PDZD7: variants seen among roughly 807,000 people sequenced by gnomAD.
PDZD7 encodes PDZ domain containing 7.
PDZD7 carries 72 observed loss-of-function variants against 84.7 expected under a neutral mutation model. The observed-to-expected ratio is 0.85, with a 90% CI of 0.70 to 1.03. The LOEUF (loss-of-function observed/expected upper bound fraction) is 1.03. Among genes scored for constraint, PDZD7 ranks in the 50% least tolerant of loss-of-function variants. The pLI, the probability that PDZD7 is intolerant of heterozygous loss-of-function variation, is 0.00. For synonymous variants in PDZD7, 594 were observed against 580.7 expected, an observed-to-expected ratio of 1.02 and a Z score of -0.33; for missense variants, 1,490 against 1,412.9, an observed-to-expected ratio of 1.05 and a Z score of -0.87.
At chr10:101,014,557 A>T (rs868614314) in intron 11 of PDZD7, among the ~76,000 whole-genome samples, 1 of 152,104 alleles carries the variant, frequency 6.6e-6, no homozygotes, top group African/African-American at 2.4e-5. Context: ...AGTTTAGCCC[A>T]AAGCCCCTTA....
intron 11 of PDZD7, among the ~76,000 whole-genome samples, chr10:101,012,892 G>T (rs1224994799): frequency 1.3e-5 from 2 of 152,246 alleles, no homozygotes; most frequent in Non-Finnish European, 2.9e-5. Flanking sequence ...GAGGGGGGCG[G>T]GGTGGAGCCC....
chr10:101,013,983 G>A (rs1852494651), intron 11 of PDZD7, among the ~76,000 whole-genome samples: 1 of 150,948 alleles, frequency 6.6e-6, no homozygotes, highest in Admixed American at 6.6e-5. Context: ...CCGAGTAGCT[G>A]GGATTACAGG....
chr10:101,029,966 C>CCA, intron 2 of PDZD7, 28 bp downstream of exon 2: 4 of 1,576,528 alleles, frequency 2.5e-6, no homozygotes, highest in South Asian at 1.1e-5. Context: ...CTCCCCAACC[C>CCA]AGGCCAGTGG....
Position 101,017,074 on chromosome 10 carries a change from G to A in PDZD7, c.1523-647C>T, listed in dbSNP as rs189439952. 3.5e-3 allele frequency among the ~76,000 whole-genome samples: 537 copies of A among 152,242 alleles called. 3 individuals are homozygous for A. The highest frequency in any genetic ancestry group is 0.012 in the African/African-American group (503 of 41,532). ...CTGTTCTTAGCCCGTGTACTCCAGG[G>A]TGGGTACATGACCCAGGCTGGCCAA... On this transcript the variant is annotated intron_variant, in intron 9 of 16. Transcript: ENST00000619208.
At position 101,019,199 on chromosome 10, in the gene PDZD7, T is replaced by G; in HGVS notation, c.947A>C (p.Gln316Pro). The G allele has an allele frequency of 6.5e-7, 1 of 1,535,948 alleles. No individual in the cohort carries two copies. ...WLDRLSNGVL[Q>P]QLSPASESSS... ...GCTCTCAGAGGCCGGGGACAGCTGCTGCAGCACCCCGTTGCTCACTGCAGG... is the reference window on the plus strand; with the variant it reads ...GCTCTCAGAGGCCGGGGACAGCTGCGGCAGCACCCCGTTGCTCACTGCAGG... The change falls in exon 8 of 17, where the codon CAG becomes CCG. Residue 316 changes from glutamine (Q) to proline (P), a missense_variant. Transcript: ENST00000619208.
At position 101,030,300 on chromosome 10, in the gene PDZD7, C is replaced by A; in HGVS notation, c.-81G>T. 8.2e-7 allele frequency: 1 copy of A among 1,220,250 alleles called. No individual in the cohort carries two copies. Among genetic ancestry groups the A allele is most frequent in the Non-Finnish European group, 1.2e-6 (1 of 857,784 alleles). The allele number at this position is 1,220,250 out of a possible 1,614,324, so 75.6% of individuals were successfully genotyped here. Reference sequence around the variant, plus strand: ...AGAGGCCAGCCCTGCGTGCTTCGAGCTCCATGAGCCTCTGTGCGGGGCTGG... The same window carrying A: ...AGAGGCCAGCCCTGCGTGCTTCGAGATCCATGAGCCTCTGTGCGGGGCTGG... On this transcript the variant is annotated 5_prime_UTR_variant, in exon 2 of 17. Coordinates refer to ENST00000619208, the MANE Select transcript of PDZD7 (RefSeq NM_001195263.2).
rs750391043 is a variant in PDZD7 at position 101,030,236 on chromosome 10, C to T, written c.-17G>A. ...CTGCGCCATGGCGGCTGGGCTAGGG[C>T]GGCACCCTACAGGTCCAGAAGGAAT... On this transcript the variant is annotated 5_prime_UTR_variant, in exon 2 of 17. Coordinates refer to ENST00000619208, the MANE Select transcript of PDZD7 (RefSeq NM_001195263.2). 6.3e-6 allele frequency: 10 copies of T among 1,580,072 alleles called. No individual in the cohort carries two copies. The highest frequency in any genetic ancestry group is 2.3e-5 in the East Asian group (1 of 43,868).
Position 101,008,619 on chromosome 10 carries a change from G to C in PDZD7, c.2950C>G (p.Pro984Ala), listed in dbSNP as rs1439461524. 3 of 1,536,022 alleles carry C rather than the reference G, an allele frequency of 2.0e-6. No individual in the cohort carries two copies. Among genetic ancestry groups the C allele is most frequent in the Non-Finnish European group, 2.6e-6 (3 of 1,146,892 alleles). Reference protein sequence around the residue: ...LPAHQPLDAAPVPAHWLPEPP... With the variant: ...LPAHQPLDAAAVPAHWLPEPP... The stretch of plus-strand genomic sequence containing the variant: ...TCTGGGAGCCAGTGGGCAGGAACTG[G>C]AGCAGCATCAAGGGGTTGGTGGGCA... The change falls in exon 17 of 17, where the codon CCA (proline) becomes GCA (alanine). Residue 984 changes from proline (P) to alanine (A), a missense_variant. By Grantham distance (27) the Pro-to-Ala change is conservative. Transcript: ENST00000619208.
chr10:101,011,715 C>T lies in PDZD7; in HGVS notation c.1980G>A (p.Lys660=), dbSNP rs1160693443. 1.0e-5 allele frequency: 16 copies of T among 1,542,428 alleles called. No individual in the cohort carries two copies. The South Asian group carries it at 1.7e-4, about 16-fold the overall frequency. ...CAGGCACGGGGGTGATAAGGTGACG[C>T]TTGGGTGGCGTGTCCTGCCGGGCTG... ...LRPARQDTPP[K]RHLITPVPDS... is the part of the protein sequence containing the mutation. Residue 660 remains lysine (K), a synonymous_variant, in exon 14 of 17, where the codon AAG becomes AAA. Coordinates refer to ENST00000619208, the MANE Select transcript of PDZD7 (RefSeq NM_001195263.2).
At chr10:101,019,287 T>C (rs1056767073) in intron 7 of PDZD7, 70 bp from the exon 8 acceptor site, 12 of 1,524,960 alleles carry the variant, frequency 7.9e-6, no homozygotes, top group South Asian at 1.2e-5. Context: ...CAGACCACCC[T>C]TGGGCTTAGG....
rs1228448175 is a variant in PDZD7 at position 101,011,744 on chromosome 10, T to G, written c.1951A>C (p.Arg651=). Residue 651 remains arginine (R), a synonymous_variant, in exon 14 of 17, where the codon AGA becomes CGA. Transcript: ENST00000619208. ...GGTGGCGTGTCCTGCCGGGCTGGTCTCAAAGCAGGAGGCCGGACTGGTTGG... is the reference window on the plus strand; with the variant it reads ...GGTGGCGTGTCCTGCCGGGCTGGTCGCAAAGCAGGAGGCCGGACTGGTTGG... The part of the protein sequence containing the change: ...KSRAVRPPAL[R]PARQDTPPKR... 1 of 1,548,210 alleles carries G rather than the reference T, an allele frequency of 6.5e-7. No individual in the cohort carries two copies. The highest frequency in any genetic ancestry group is 2.4e-5 in the East Asian group (1 of 40,920).
chr10:101,013,826 G>A (rs1044178640), intron 11 of PDZD7, among the ~76,000 whole-genome samples: 1 of 151,772 alleles, frequency 6.6e-6, no homozygotes, highest in Non-Finnish European at 1.5e-5. Context: ...AGTGTACAGC[G>A]ATCAGACAGG....
At chr10:101,028,650 G>A (rs1937865778) in intron 2 of PDZD7, among the ~76,000 whole-genome samples, 1 of 151,876 alleles carries the variant, frequency 6.6e-6, no homozygotes, top group African/African-American at 2.4e-5. Context: ...TCATACATGG[G>A]CAAAGGGAAG....
intron 9 of PDZD7, among the ~76,000 whole-genome samples, chr10:101,016,647 G>T (rs1852643885): frequency 6.6e-6 from 1 of 152,252 alleles, no homozygotes; most frequent in East Asian, 1.9e-4. Flanking sequence ...AAAACAGGGT[G>T]CAGTCTGAGC....
At chr10:101,017,595 A>G (rs924337252) in intron 9 of PDZD7, 2 of 701,676 alleles carry the variant, frequency 2.9e-6, no homozygotes, top group Admixed American at 4.0e-5. Flanking sequence ...TAGCCTGGGC[A>G]ACAGGGTGAA....
At chr10:101,020,020 C>T (rs1852991158) in intron 7 of PDZD7, among the ~76,000 whole-genome samples, 1 of 151,918 alleles carries the variant, frequency 6.6e-6, no homozygotes, top group South Asian at 2.1e-4. Context: ...CCTCAAACTC[C>T]TGGGCTCAGG....
chr10:101,023,406 C>T, intron 4 of PDZD7, 30 bp downstream of exon 4: 4 of 1,613,730 alleles, frequency 2.5e-6, no homozygotes, highest in Non-Finnish European at 3.4e-6. Context: ...GGGGCAAGGC[C>T]AGGGCTAGGA....
intron 11 of PDZD7, among the ~76,000 whole-genome samples, 172 bp downstream of exon 11, chr10:101,015,464 A>ATGTGTGTGTG (rs10579208): frequency 1.3e-5 from 2 of 149,680 alleles, no homozygotes; most frequent in African/African-American, 4.9e-5. Context: ...GAGCTGGCAG[A>ATGTGTGTGTG]TGTGTGTGTG....
At chr10:101,022,087 C>T in intron 5 of PDZD7, 122 bp downstream of exon 5, 1 of 1,562,748 alleles carries the variant, frequency 6.4e-7, no homozygotes, top group Non-Finnish European at 8.7e-7. Context: ...CCTCCCAGGC[C>T]CTCACTGAGA....
Sources: allele counts gnomAD v4.1 joint callset (sites outside exome capture counted in the v4.1 genomes callset), GRCh38; gene constraint gnomAD v4.1.1; transcripts MANE v1.5; gene names NCBI Gene and HGNC (gene_info 2026-07-23, HGNC 2026-07-21).